The following MSMO1 variants were observed in gnomAD, a reference collection of about 807,000 sequenced individuals.
MSMO1 encodes the protein methylsterol monooxygenase 1.
Under a neutral mutation model 30.4 loss-of-function variants are expected in MSMO1, and 18 were observed. The observed-to-expected ratio is 0.59, with a 90% CI of 0.41 to 0.88. The LOEUF (loss-of-function observed/expected upper bound fraction) is 0.88. Ranked by LOEUF, MSMO1 falls within the 40% of genes least tolerant of loss-of-function variation. MSMO1 has a pLI of 0.00. For synonymous variants in MSMO1, 84 were observed against 107.9 expected (o/e 0.78, Z 1.37); for missense variants, 284 against 340.5 (o/e 0.83, Z 1.31).
At chr4:165,329,551 T>A (rs1448170802) in intron 1 of MSMO1, among the ~76,000 whole-genome samples, 1 of 148,052 alleles carries the variant, frequency 6.8e-6, no homozygotes, top group African/African-American at 2.5e-5. Flanking sequence ...GTATCAAATC[T>A]TCCAGATTAG....
chr4:165,333,529 A>T lies in MSMO1; in HGVS notation c.159A>T (p.Gly53=). The T allele has an allele frequency of 1.2e-6, 2 of 1,613,528 alleles. No individual in the cohort carries two copies. The highest frequency in any genetic ancestry group is 1.7e-6 in the Non-Finnish European group (2 of 1,179,718). ...CAAAGTTCCAGATTGCAACATGGGG[A>T]TCCCTTATAGTTCATGAAGCCCTTT... ...NYTKFQIATW[G]SLIVHEALYF... The change falls in exon 2 of 6, where the codon GGA becomes GGT. Residue 53 remains glycine (G), a synonymous_variant. Coordinates refer to ENST00000261507, the MANE Select transcript of MSMO1 (RefSeq NM_006745.5).
In MSMO1 at chr4:165,334,145, C is replaced by A. The variant is rs551583240; in HGVS notation, c.255+520C>A. The stretch of plus-strand genomic sequence containing the variant: ...ATCAGTAATCAAATTCTAAAAAATA[C>A]TTAATGAGATATTTAATAAGTCTTT... On this transcript the variant is annotated intron_variant, in intron 2 of 5. Coordinates refer to ENST00000261507, the MANE Select transcript of MSMO1 (RefSeq NM_006745.5). 1.7e-3 allele frequency among the ~76,000 whole-genome samples: 253 copies of A among 152,228 alleles called. 1 individual carries two copies. Among genetic ancestry groups the A allele is most frequent in the Non-Finnish European group, 2.6e-3 (176 of 67,994 alleles).
chr4:165,340,371 C>G lies in MSMO1; in HGVS notation c.682C>G (p.His228Asp). ...TIRLLETIDV[H>D]SGYDIPLNPL... ...TCGTTTATTAGAAACTATTGATGTCCATAGGTGAGTATTAATTTCTGTTCA... is the reference window on the plus strand; with the variant it reads ...TCGTTTATTAGAAACTATTGATGTCGATAGGTGAGTATTAATTTCTGTTCA... The change falls in exon 5 of 6, where the codon CAT (histidine) becomes GAT (aspartate). Residue 228 changes from histidine to aspartate, a missense_variant. Physicochemically the swap from His to Asp is moderately conservative, Grantham distance 81. Coordinates refer to ENST00000261507, the MANE Select transcript of MSMO1 (RefSeq NM_006745.5). The G allele has an allele frequency of 6.2e-7, 1 of 1,611,626 alleles. No individual in the cohort carries two copies. Among genetic ancestry groups the G allele is most frequent in the Non-Finnish European group, 8.5e-7 (1 of 1,178,232 alleles).
intron 4 of MSMO1, 30 bp downstream of exon 4, chr4:165,338,808 G>T (rs1347231223): frequency 3.2e-6 from 5 of 1,543,550 alleles, no homozygotes; most frequent in Non-Finnish European, 4.5e-6. Context: ...AATTCTTTCT[G>T]TTAGAGGCAA....
Position 165,342,195 on chromosome 4 carries a change from TC to T in MSMO1, c.*251del. ...ATGAGGAAGTTTTAAAAGACCATGT[TC>T]CTAAGCTTCCAAGAAGGTTTTGGAT... On this transcript the variant is annotated 3_prime_UTR_variant, in exon 6 of 6. Transcript: ENST00000261507. The T allele has an allele frequency of 2.7e-6, 1 of 369,528 alleles. No individual in the cohort carries two copies. The highest frequency in any genetic ancestry group is 5.0e-6 in the Non-Finnish European group (1 of 200,814). The allele number at this position is 369,528 out of a possible 1,614,324, so 22.9% of individuals were successfully genotyped here. A position where few individuals can be genotyped will look rare whatever the true frequency, so the allele number is the denominator to read the frequency against.
chr4:165,340,104 A>C, intron 4 of MSMO1, 117 bp from the exon 5 acceptor site: 1 of 839,604 alleles, frequency 1.2e-6, no homozygotes, highest in Non-Finnish European at 1.9e-6. Context: ...CCTTCACAAC[A>C]ACATCTAGAC....
chr4:165,341,689 T>TA, intron 5 of MSMO1, 62 bp from the exon 6 acceptor site: 1 of 1,459,148 alleles, frequency 6.9e-7, no homozygotes, highest in Middle Eastern at 2.2e-4. Context: ...TGATTATTAA[T>TA]AAAAACAACA....
At chr4:165,334,316 C>G (rs1747482488) in intron 2 of MSMO1, among the ~76,000 whole-genome samples, 1 of 152,134 alleles carries the variant, frequency 6.6e-6, no homozygotes, top group African/African-American at 2.4e-5. Context: ...TTCAAGAATA[C>G]TTTGTTAAAT....
In MSMO1 at chr4:165,333,857, G is replaced by A. The variant is rs533113042; in HGVS notation, c.255+232G>A. Among the ~76,000 whole-genome samples the A allele has an allele frequency of 2.0e-5, 3 of 152,318 alleles. No homozygotes were observed. In the South Asian group the frequency reaches 6.2e-4, roughly 32 times the overall value. ...CAATAAATGTAAACTATCGCTGGGT[G>A]CAGGGTCCATGCCTGTAATTCCAGC... is the stretch of plus-strand genomic sequence containing the variant. On this transcript the variant is annotated intron_variant, in intron 2 of 5. Transcript: ENST00000261507.
Position 165,338,669 on chromosome 4 carries a change from G to T in MSMO1, c.422G>T (p.Arg141Ile), listed in dbSNP as rs770977501. The change falls in exon 4 of 6, where the codon AGA (arginine) becomes ATA (isoleucine). Residue 141 changes from arginine (R) to isoleucine (I), a missense_variant. Arg to Ile is a moderately conservative substitution (Grantham distance 97). Coordinates refer to ENST00000261507, the MANE Select transcript of MSMO1 (RefSeq NM_006745.5). ...TCTTAAAGGTATTTTCTTTTGGCAA[G>T]ATGCTTTGGTTGTGCAGTCATTGAA... is the stretch of plus-strand genomic sequence containing the variant. ...RMPRWYFLLA[R>I]CFGCAVIEDT... 2 of 1,609,860 alleles carry T rather than the reference G, an allele frequency of 1.2e-6. No individual in the cohort carries two copies. Among genetic ancestry groups the T allele is most frequent in the Non-Finnish European group, 1.7e-6 (2 of 1,176,340 alleles).
At chr4:165,340,161 A>G in intron 4 of MSMO1, 60 bp from the exon 5 acceptor site, 6 of 1,475,128 alleles carry the variant, frequency 4.1e-6, no homozygotes, top group Non-Finnish European at 5.6e-6. Context: ...CCAAGTTGAC[A>G]CATAAAATTG....
intron 2 of MSMO1, among the ~76,000 whole-genome samples, chr4:165,334,447 T>G (rs187604673): frequency 1.3e-5 from 2 of 152,372 alleles, no homozygotes. Context: ...CAACTCTATG[T>G]TCCAGTAAAT....
chr4:165,334,111 A>G (rs1747473277), intron 2 of MSMO1, among the ~76,000 whole-genome samples: 1 of 152,230 alleles, frequency 6.6e-6, no homozygotes. Flanking sequence ...AATGTAAATT[A>G]TTATTTCAAT....
At chr4:165,328,745 G>A (rs1284574736) in intron 1 of MSMO1, among the ~76,000 whole-genome samples, 1 of 152,214 alleles carries the variant, frequency 6.6e-6, no homozygotes, top group Non-Finnish European at 1.5e-5. Context: ...TTAATTCCTT[G>A]TTCGGTTAGC....
chr4:165,332,578 A>G (rs1047634581), intron 1 of MSMO1, among the ~76,000 whole-genome samples: 1 of 152,148 alleles, frequency 6.6e-6, no homozygotes, highest in African/African-American at 2.4e-5. Flanking sequence ...ACACTGATGT[A>G]TCCCCCCTGC....
chr4:165,332,653 A>G (rs1429442620), intron 1 of MSMO1, among the ~76,000 whole-genome samples: 1 of 152,186 alleles, frequency 6.6e-6, no homozygotes, highest in Admixed American at 6.5e-5. Flanking sequence ...ATAAGCTTTT[A>G]AAGATTTGCT....
chr4:165,341,807 G>A lies in MSMO1; in HGVS notation c.743G>A (p.Arg248Gln), dbSNP rs757655508. The A allele has an allele frequency of 1.6e-5, 26 of 1,613,258 alleles. No individual in the cohort carries two copies. The highest frequency in any genetic ancestry group is 2.2e-5 in the East Asian group (1 of 44,812). ...CTGATCCCTTTCTATGCTGGTTCTC[G>A]GCATCATGATTTCCACCACATGAAC... is the stretch of plus-strand genomic sequence containing the variant. Reference protein sequence around the residue: ...LNLIPFYAGSRHHDFHHMNFI... With the variant: ...LNLIPFYAGSQHHDFHHMNFI... The change falls in exon 6 of 6, where the codon CGG becomes CAG. Residue 248 changes from arginine to glutamine, a missense_variant. Coordinates refer to ENST00000261507, the MANE Select transcript of MSMO1 (RefSeq NM_006745.5).
Position 165,341,771 on chromosome 4 carries a change from A to C in MSMO1, c.707A>C (p.Asn236Thr). The C allele has an allele frequency of 6.2e-7, 1 of 1,612,358 alleles. No individual in the cohort carries two copies. Among genetic ancestry groups the C allele is most frequent in the Non-Finnish European group, 8.5e-7 (1 of 1,178,564 alleles). The change falls in exon 6 of 6, where the codon AAC (asparagine) becomes ACC (threonine). Residue 236 changes from asparagine (N) to threonine (T), a missense_variant. Transcript: ENST00000261507. ...DVHSGYDIPL[N>T]PLNLIPFYAG... Reference sequence around the variant, plus strand: ...TTCAGTGGTTATGATATTCCTCTCAACCCTTTAAATCTGATCCCTTTCTAT... The same window carrying C: ...TTCAGTGGTTATGATATTCCTCTCACCCCTTTAAATCTGATCCCTTTCTAT...
In MSMO1 at chr4:165,340,255, C is replaced by T. The variant is rs1560851162; in HGVS notation, c.566C>T (p.Pro189Leu). 2 of 1,613,898 alleles carry T rather than the reference C, an allele frequency of 1.2e-6. No individual in the cohort carries two copies. The highest frequency in any genetic ancestry group is 1.7e-6 in the Non-Finnish European group (2 of 1,179,936). The change falls in exon 5 of 6, where the codon CCT becomes CTT. Residue 189 changes from proline to leucine, a missense_variant. Coordinates refer to ENST00000261507, the MANE Select transcript of MSMO1 (RefSeq NM_006745.5). ...GGAATGGAAGCTGAATATGCACATC[C>T]TTTGGAGACTCTAATTCTTGGAACT... ...PFGMEAEYAH[P>L]LETLILGTGF...
Sources: allele counts gnomAD v4.1 joint callset (sites outside exome capture counted in the v4.1 genomes callset), GRCh38; gene constraint gnomAD v4.1.1; transcripts MANE v1.5; gene names NCBI Gene and HGNC (gene_info 2026-07-23, HGNC 2026-07-21).